Variants in SLC25A40 observed in about 807,000 individuals in gnomAD.
SLC25A40 encodes the protein solute carrier family 25 member 40, also known as mitochondrial glutathione transporter SLC25A40.
SLC25A40 carries 41 observed loss-of-function variants against 46.5 expected under a neutral mutation model. That is an observed-to-expected ratio of 0.88 (90% CI 0.69 to 1.14). The LOEUF (loss-of-function observed/expected upper bound fraction) is 1.14. SLC25A40 is among the 50% of genes most tolerant of loss of function. The pLI, the probability that SLC25A40 is intolerant of heterozygous loss-of-function variation, is 0.00. For synonymous variants in SLC25A40, 126 were observed against 127.5 expected, an observed-to-expected ratio of 0.99 and a Z score of 0.08; for missense variants, 386 against 393.6, an observed-to-expected ratio of 0.98 and a Z score of 0.16.
At chr7:87,858,527 AT>A in intron 3 of SLC25A40, 103 bp downstream of exon 3, 1 of 696,352 alleles carries the variant, frequency 1.4e-6, no homozygotes, top group Non-Finnish European at 2.5e-6. Context: ...GCCAATACTT[AT>A]GGAAAATAGA....
Position 87,847,104 on chromosome 7 carries a change from A to T in SLC25A40, c.476T>A (p.Ile159Lys). Residue 159 changes from isoleucine to lysine, a missense_variant, in exon 8 of 12, where the codon ATA (isoleucine) becomes AAA (lysine). Physicochemically the swap from Ile to Lys is moderately radical, Grantham distance 102 (BLOSUM62 -3). Transcript: ENST00000341119. ...IVARFGAVTV[I>K]SPLELIRTKM... is the part of the protein sequence containing the mutation. ...GGTTCTAATCAATTCTAGTGGACTTATCACAGTTACTGCACCAACTAATAC... is the reference window on the plus strand; with the variant it reads ...GGTTCTAATCAATTCTAGTGGACTTTTCACAGTTACTGCACCAACTAATAC... 3 of 1,610,174 alleles carry T rather than the reference A, an allele frequency of 1.9e-6. No individual in the cohort carries two copies. The highest frequency in any genetic ancestry group is 2.5e-6 in the Non-Finnish European group (3 of 1,178,278).
At position 87,843,835 on chromosome 7, in the gene SLC25A40, T is replaced by C; in HGVS notation, c.660A>G (p.Leu220=). 2 of 1,607,378 alleles carry C rather than the reference T, an allele frequency of 1.2e-6. No homozygotes were observed. Among genetic ancestry groups the C allele is most frequent in the Non-Finnish European group, 1.7e-6 (2 of 1,174,892 alleles). The change falls in exon 9 of 12, where the codon TTA becomes TTG. Residue 220 remains leucine (L), a synonymous_variant. Transcript: ENST00000341119. ...CAGATTTCTCACATAACCACTTCTT[T>C]AAAATTTCATAGTTATACCAGTACA... The part of the protein sequence containing the change: ...SAMYWYNYEI[L]KKWLCEKSGL...
At chr7:87,858,039 G>C (rs906481852) in intron 3 of SLC25A40, among the ~76,000 whole-genome samples, 1 of 152,172 alleles carries the variant, frequency 6.6e-6, no homozygotes. Context: ...TTATGCCGTT[G>C]AGATAAAGAC....
At chr7:87,853,928 G>C (rs1838558994) in intron 5 of SLC25A40, among the ~76,000 whole-genome samples, 1 of 151,926 alleles carries the variant, frequency 6.6e-6, no homozygotes, top group Non-Finnish European at 1.5e-5. Context: ...TACCACTGGG[G>C]GAAACTAAGA....
At chr7:87,852,133 G>A (rs1484330493) in intron 5 of SLC25A40, among the ~76,000 whole-genome samples, 1 of 152,136 alleles carries the variant, frequency 6.6e-6, no homozygotes, top group Admixed American at 6.5e-5. Context: ...ACACATTAAA[G>A]ATGTTATTAC....
chr7:87,851,272 A>G (rs1838504490), intron 5 of SLC25A40, among the ~76,000 whole-genome samples: 1 of 152,238 alleles, frequency 6.6e-6, no homozygotes, highest in Admixed American at 6.5e-5. Context: ...GATACATACT[A>G]CAACATGGAT....
chr7:87,841,686 T>A lies in SLC25A40; in HGVS notation c.770A>T (p.Asp257Val). The A allele has an allele frequency of 6.5e-7, 1 of 1,531,470 alleles. No homozygotes were observed. Among genetic ancestry groups the A allele is most frequent in the Non-Finnish European group, 8.8e-7 (1 of 1,137,966 alleles). 94.9% of individuals were successfully genotyped at this position (1,531,470 alleles called of 1,614,324 possible). A position where few individuals can be genotyped will look rare whatever the true frequency, so the allele number is the denominator to read the frequency against. Residue 257 changes from aspartate to valine, a missense_variant, in exon 10 of 12, where the codon GAT (aspartate) becomes GTT (valine). Asp to Val is a radical substitution (Grantham distance 152, BLOSUM62 -3). Transcript: ENST00000341119. ...SFAAVATLPF[D>V]VVKTQKQTQL... ...TGTCTGCTTTTGTGTTTTTACTACA[T>A]CAAATGGTAAAGTTGCAACAGCAGC...
chr7:87,846,888 T>C, intron 8 of SLC25A40, 61 bp downstream of exon 8: 5 of 1,364,312 alleles, frequency 3.7e-6, no homozygotes, highest in Non-Finnish European at 4.9e-6. Flanking sequence ...CTAGTGACAG[T>C]AATATTTGAA....
rs966517775 is a variant in SLC25A40 at position 87,865,255 on chromosome 7, C to T, written c.-93-4615G>A. Among the ~76,000 whole-genome samples the T allele has an allele frequency of 8.6e-5, 13 of 152,024 alleles. 1 individual carries two copies. The highest frequency in any genetic ancestry group is 5.2e-4 in the Admixed American group (8 of 15,274). On this transcript the variant is annotated intron_variant, in intron 1 of 11. Coordinates refer to ENST00000341119, the MANE Select transcript of SLC25A40 (RefSeq NM_018843.4). ...ACAAATTATTTTTAAAAGATGAAAACTTATTTTAGATAACAAAGAACAGAA... is the reference window on the plus strand; with the variant it reads ...ACAAATTATTTTTAAAAGATGAAAATTTATTTTAGATAACAAAGAACAGAA...
intron 1 of SLC25A40, among the ~76,000 whole-genome samples, chr7:87,866,632 T>C (rs1267629010): frequency 6.6e-6 from 1 of 152,214 alleles, no homozygotes; most frequent in African/African-American, 2.4e-5. Context: ...CTTTATGCCC[T>C]GAGAGCATAA....
chr7:87,851,489 G>A (rs1838509657), intron 5 of SLC25A40, among the ~76,000 whole-genome samples: 1 of 152,116 alleles, frequency 6.6e-6, no homozygotes, highest in African/African-American at 2.4e-5. Context: ...ATGTAAGGCT[G>A]ACAGAAGGTC....
intron 5 of SLC25A40, among the ~76,000 whole-genome samples, chr7:87,851,333 A>C (rs1006117731): frequency 2.6e-5 from 4 of 152,248 alleles, no homozygotes; most frequent in Non-Finnish European, 4.4e-5. Flanking sequence ...AAAGGACTGC[A>C]TATTTTCCCA....
At chr7:87,853,031 T>C (rs1167722979) in intron 5 of SLC25A40, among the ~76,000 whole-genome samples, 1 of 152,174 alleles carries the variant, frequency 6.6e-6, no homozygotes, top group Non-Finnish European at 1.5e-5. Context: ...TGAAAGACCA[T>C]GTTTAAGAGG....
intron 10 of SLC25A40, among the ~76,000 whole-genome samples, chr7:87,838,126 T>C (rs1334634876): frequency 6.6e-6 from 1 of 151,498 alleles, no homozygotes; most frequent in Non-Finnish European, 1.5e-5. Context: ...AGCAATAGCA[T>C]AAGCATAAAC....
At chr7:87,875,588 A>G (rs1838986344) in intron 1 of SLC25A40, among the ~76,000 whole-genome samples, 1 of 152,120 alleles carries the variant, frequency 6.6e-6, no homozygotes, top group Admixed American at 6.5e-5. Context: ...AACTTATAAA[A>G]TTAAAATATA....
intron 4 of SLC25A40, among the ~76,000 whole-genome samples, chr7:87,855,118 C>T (rs1838588216): frequency 7.0e-6 from 1 of 143,306 alleles, no homozygotes; most frequent in African/African-American, 2.6e-5. Context: ...GCTATGATCA[C>T]ACTACTACAC....
chr7:87,839,521 C>CA (rs1271456989), intron 10 of SLC25A40, among the ~76,000 whole-genome samples: 2 of 149,786 alleles, frequency 1.3e-5, no homozygotes, highest in Admixed American at 6.7e-5. Flanking sequence ...CTCTGGAAAA[C>CA]AAGTAAATTT....
chr7:87,860,428 C>T (rs1461746734), intron 2 of SLC25A40, 144 bp downstream of exon 2: 1 of 152,148 alleles, frequency 6.6e-6, no homozygotes, highest in Non-Finnish European at 1.5e-5. Context: ...TATATAATCA[C>T]AATACAATTA....
chr7:87,850,555 C>T (rs1838491980), intron 5 of SLC25A40, among the ~76,000 whole-genome samples: 1 of 152,034 alleles, frequency 6.6e-6, no homozygotes, highest in African/African-American at 2.4e-5. Flanking sequence ...ACCCCTTGAG[C>T]CCAGGAGTTC....
Sources: allele counts gnomAD v4.1 joint callset (sites outside exome capture counted in the v4.1 genomes callset), GRCh38; gene constraint gnomAD v4.1.1; transcripts MANE v1.5; gene names NCBI Gene and HGNC (gene_info 2026-07-23, HGNC 2026-07-21).